Variants in SCAPER observed in about 807,000 individuals in gnomAD.
The protein encoded by SCAPER is S phase cyclin A-associated protein in the endoplasmic reticulum.
SCAPER carries 98 observed loss-of-function variants against 182.2 expected under a neutral mutation model. The ratio of observed to expected loss-of-function variants is 0.54; its 90% confidence interval spans 0.46 to 0.64. The LOEUF (loss-of-function observed/expected upper bound fraction) is 0.64, where lower values mean the gene tolerates loss of function less well. Ranked by LOEUF, SCAPER falls within the 30% of genes least tolerant of loss-of-function variation. The probability of loss-of-function intolerance (pLI) is 0.00; values close to 1 mark genes in which losing one functional copy is unlikely to be tolerated. For synonymous variants in SCAPER, 605 were observed against 564.6 expected (o/e 1.07, Z -1.01); for missense variants, 1,432 against 1,690.0 (o/e 0.85, Z 2.68).
chr15:76,414,473 A>G (rs2045517286), intron 26 of SCAPER, among the ~76,000 whole-genome samples: 1 of 152,146 alleles, frequency 6.6e-6, no homozygotes, highest in Admixed American at 6.5e-5. Context: ...GAGGAAAAAA[A>G]AGACACAACC....
At chr15:76,472,463 C>CA (rs1309407211) in intron 24 of SCAPER, 5 of 468,746 alleles carry the variant, frequency 1.1e-5, no homozygotes, top group Non-Finnish European at 2.0e-5. Flanking sequence ...ATTTGTTTTA[C>CA]TTTTTTTTAC....
chr15:76,400,419 C>T (rs114735729), intron 27 of SCAPER, among the ~76,000 whole-genome samples: 4,512 of 152,278 alleles, frequency 0.03, 209 homozygotes, highest in African/African-American at 0.097. Context: ...CTATTTAATG[C>T]ATGCAACAAA....
intron 17 of SCAPER, among the ~76,000 whole-genome samples, chr15:76,717,389 G>A (rs1025473088): frequency 3.9e-5 from 6 of 152,054 alleles, no homozygotes; most frequent in East Asian, 1.9e-4. Flanking sequence ...AGAATACTTC[G>A]AAACTGTAAG....
chr15:76,458,646 C>A lies in SCAPER; in HGVS notation c.3078+12566G>T, dbSNP rs141181808. ...TATTTAGGGCATCTATTACCTCAAG[C>A]ATTTATCATTTCTAGGTGCTGGGAA... is the stretch of plus-strand genomic sequence containing the variant. On this transcript the variant is annotated intron_variant, in intron 25 of 31. Transcript: ENST00000563290. 4.0e-3 allele frequency among the ~76,000 whole-genome samples: 605 copies of A among 152,250 alleles called. 2 individuals are homozygous for A. Among genetic ancestry groups the A allele is most frequent in the African/African-American group, 0.014 (579 of 41,542 alleles).
At chr15:76,494,466 G>A (rs978517993) in intron 24 of SCAPER, among the ~76,000 whole-genome samples, 2 of 152,056 alleles carry the variant, frequency 1.3e-5, no homozygotes, top group Non-Finnish European at 2.9e-5. Context: ...AAACACCCAA[G>A]CCAAAAATCC....
chr15:76,390,521 G>C (rs966282996), intron 27 of SCAPER, among the ~76,000 whole-genome samples: 1 of 152,260 alleles, frequency 6.6e-6, no homozygotes, highest in Non-Finnish European at 1.5e-5. Context: ...GAAAACGAAG[G>C]GTGAATGGAT....
chr15:76,766,490 G>A (rs2063125226), intron 11 of SCAPER, among the ~76,000 whole-genome samples: 1 of 151,756 alleles, frequency 6.6e-6, no homozygotes, highest in Non-Finnish European at 1.5e-5. Context: ...CTTACTTTAT[G>A]TCAGACTCAA....
At chr15:76,751,156 TA>T (rs1478146860) in intron 15 of SCAPER, among the ~76,000 whole-genome samples, 1 of 151,648 alleles carries the variant, frequency 6.6e-6, no homozygotes, top group Non-Finnish European at 1.5e-5. Flanking sequence ...AATAATAAAA[TA>T]CTTAGTAATT....
chr15:76,742,748 A>G (rs1006470145), intron 15 of SCAPER, among the ~76,000 whole-genome samples: 1 of 151,984 alleles, frequency 6.6e-6, no homozygotes, highest in African/African-American at 2.4e-5. Context: ...AATTTATCCC[A>G]AGGACTCATA....
chr15:76,842,885 T>C (rs1015626098), intron 4 of SCAPER, among the ~76,000 whole-genome samples: 1 of 152,200 alleles, frequency 6.6e-6, no homozygotes, highest in African/African-American at 2.4e-5. Flanking sequence ...TCAGTGCTGA[T>C]AGCTCTTTAC....
At chr15:76,349,320 TATTTA>T (rs1477906309) in intron 31 of SCAPER, 12 of 152,356 alleles carry the variant, frequency 7.9e-5, no homozygotes, top group South Asian at 4.1e-4. Context: ...TCTGAAAGTC[TATTTA>T]ATTTAAAACA....
At chr15:76,691,221 A>G (rs2058339410) in intron 20 of SCAPER, among the ~76,000 whole-genome samples, 1 of 152,082 alleles carries the variant, frequency 6.6e-6, no homozygotes, top group Non-Finnish European at 1.5e-5. Flanking sequence ...ATTTACTTTG[A>G]TATAATTGGA....
At chr15:76,567,132 G>A (rs1204982450) in intron 23 of SCAPER, 1 of 239,656 alleles carries the variant, frequency 4.2e-6, no homozygotes, top group Non-Finnish European at 8.3e-6. Context: ...AACTTTATAT[G>A]ACTGGAATTG....
At chr15:76,877,350 G>T (rs981121997) in intron 2 of SCAPER, among the ~76,000 whole-genome samples, 4 of 152,110 alleles carry the variant, frequency 2.6e-5, no homozygotes, top group African/African-American at 9.7e-5. Flanking sequence ...ACAAGAGAAT[G>T]TAAGCATTTT....
intron 15 of SCAPER, among the ~76,000 whole-genome samples, chr15:76,742,698 A>T (rs1567987500): frequency 6.6e-6 from 1 of 151,920 alleles, no homozygotes; most frequent in African/African-American, 2.4e-5. Context: ...TCAATCACCA[A>T]TCTACCTAAG....
intron 1 of SCAPER, among the ~76,000 whole-genome samples, chr15:76,884,338 A>C (rs550211762): frequency 6.6e-6 from 1 of 152,348 alleles, no homozygotes; most frequent in South Asian, 2.1e-4. Flanking sequence ...ATCCTGTGTA[A>C]CTTTCCTTAA....
chr15:76,480,933 G>T (rs968504999), intron 24 of SCAPER, among the ~76,000 whole-genome samples: 3 of 151,966 alleles, frequency 2.0e-5, no homozygotes, highest in Non-Finnish European at 4.4e-5. Context: ...GAGTTTCACC[G>T]TGTTAGCCAG....
chr15:76,842,895 C>T (rs1307758045), intron 4 of SCAPER, among the ~76,000 whole-genome samples: 1 of 152,168 alleles, frequency 6.6e-6, no homozygotes, highest in Admixed American at 6.5e-5. Flanking sequence ...TAGCTCTTTA[C>T]CAGATATTCC....
intron 25 of SCAPER, among the ~76,000 whole-genome samples, chr15:76,466,141 T>A (rs1236324398): frequency 5.3e-5 from 8 of 152,136 alleles, no homozygotes; most frequent in Admixed American, 5.2e-4. Flanking sequence ...TGGGTCACTA[T>A]TTAAGTAAAC....
Sources: allele counts gnomAD v4.1 joint callset (sites outside exome capture counted in the v4.1 genomes callset), GRCh38; gene constraint gnomAD v4.1.1; transcripts MANE v1.5; gene names NCBI Gene and HGNC (gene_info 2026-07-23, HGNC 2026-07-21).